TBATA: variants seen among roughly 807,000 people sequenced by gnomAD.
TBATA encodes the protein thymus, brain and testes associated, also known as protein TBATA.
Under a neutral mutation model 38.7 loss-of-function variants are expected in TBATA, and 47 were observed. That is an observed-to-expected ratio of 1.21 (90% CI 0.96 to 1.55). The LOEUF (loss-of-function observed/expected upper bound fraction) is 1.55, where lower values mean the gene tolerates loss of function less well. TBATA is among the 40% of genes most tolerant of loss of function. TBATA has a pLI of 0.00. For missense variants in TBATA, 436 were observed against 435.6 expected, an observed-to-expected ratio of 1.00 and a Z score of -0.01; for synonymous variants, 183 against 170.5, an observed-to-expected ratio of 1.07 and a Z score of -0.57.
In TBATA at chr10:70,783,215, G is replaced by T. The variant is rs1026175845; in HGVS notation, c.41+124C>A. On this transcript the variant is annotated intron_variant, in intron 3 of 10. Transcript: ENST00000456372. ...GGGGTCTGGCTGACCGGCAGCAGAA[G>T]TCCAGTAAGAACCACCTCTCTTGGA... 3.5e-6 allele frequency: 4 copies of T among 1,128,728 alleles called. No homozygotes were observed. In the African/African-American group the frequency reaches 4.6e-5, roughly 13 times the overall value. The allele number at this position is 1,128,728 out of a possible 1,614,324, so 69.9% of individuals were successfully genotyped here.
At chr10:70,777,505 C>T (rs7092630) in intron 6 of TBATA, among the ~76,000 whole-genome samples, 167 bp from the exon 7 acceptor site, 2 of 85,120 alleles carry the variant, frequency 2.3e-5, no homozygotes, top group African/African-American at 9.6e-5. Context: ...AGCTCTGCCA[C>T]CCCCCCAACC....
chr10:70,780,549 C>G (rs983286138), intron 4 of TBATA, among the ~76,000 whole-genome samples: 8 of 151,932 alleles, frequency 5.3e-5, no homozygotes, highest in Non-Finnish European at 7.4e-5. Context: ...GGATCCTACC[C>G]AGGCCCACCA....
At chr10:70,776,024 G>A (rs948863784) in intron 7 of TBATA, among the ~76,000 whole-genome samples, 8 of 152,244 alleles carry the variant, frequency 5.3e-5, no homozygotes, top group African/African-American at 1.9e-4. Flanking sequence ...AGGCCAGACT[G>A]CTGCTGGTGG....
At chr10:70,779,146 A>G (rs1054183364) in intron 5 of TBATA, among the ~76,000 whole-genome samples, 11 of 152,172 alleles carry the variant, frequency 7.2e-5, no homozygotes, top group African/African-American at 2.7e-4. Context: ...TGTCCCCACC[A>G]AACTGGCTTC....
chr10:70,778,831 T>G (rs1589401940), intron 5 of TBATA, 195 bp from the exon 6 acceptor site: 22 of 639,454 alleles, frequency 3.4e-5, no homozygotes, highest in East Asian at 5.8e-5. Context: ...TGGCAGTGGG[T>G]GGGGTGCGGG....
chr10:70,775,062 A>G, intron 8 of TBATA, 127 bp downstream of exon 8: 3 of 778,640 alleles, frequency 3.9e-6, no homozygotes, highest in Non-Finnish European at 6.2e-6. Flanking sequence ...AAAGTGGAGG[A>G]GAGGCCTCCA....
chr10:70,775,334 G>A, intron 7 of TBATA, 64 bp from the exon 8 acceptor site: 1 of 1,441,366 alleles, frequency 6.9e-7, no homozygotes, highest in Non-Finnish European at 9.8e-7. Context: ...GCAAATGTAG[G>A]TTTGGAGGGC....
At chr10:70,782,752 G>A in intron 3 of TBATA, 1 of 603,836 alleles carries the variant, frequency 1.7e-6, no homozygotes, top group Non-Finnish European at 2.1e-6. Context: ...GCCCTTGGAG[G>A]AAGGTCAAGA....
chr10:70,774,774 G>A (rs115076572), intron 8 of TBATA, among the ~76,000 whole-genome samples: 5,015 of 152,204 alleles, frequency 0.033, 261 homozygotes, highest in African/African-American at 0.11. Flanking sequence ...GTCCCAGTGC[G>A]TCCGCGTGTG....
chr10:70,781,616 C>A (rs1368850209), intron 4 of TBATA, among the ~76,000 whole-genome samples, 185 bp downstream of exon 4: 2 of 152,202 alleles, frequency 1.3e-5, no homozygotes, highest in African/African-American at 4.8e-5. Context: ...TGTCACCCAC[C>A]CTTGGAGGCT....
intron 8 of TBATA, among the ~76,000 whole-genome samples, 166 bp from the exon 9 acceptor site, chr10:70,774,523 T>C (rs192679281): frequency 1.3e-5 from 2 of 152,094 alleles, no homozygotes; most frequent in Non-Finnish European, 2.9e-5. Context: ...GGCCCATGTG[T>C]GCAGAGCCCC....
chr10:70,774,360 GA>G lies in TBATA; in HGVS notation c.776-4del. 1 of 1,586,466 alleles carries G rather than the reference GA, an allele frequency of 6.3e-7. No homozygotes were observed. The highest frequency in any genetic ancestry group is 8.6e-7 in the Non-Finnish European group (1 of 1,167,130). ...GAGTCCCAGAGCGAGGTCTTTTTCTGAAAGCACAGCCCGGGGGCAGTGTCCT... is the reference window on the plus strand; with the variant it reads ...GAGTCCCAGAGCGAGGTCTTTTTCTGAAGCACAGCCCGGGGGCAGTGTCCT... On this transcript the variant is annotated splice_region_variant and splice_polypyrimidine_tract_variant and intron_variant, in intron 8 of 10. Transcript: ENST00000456372.
At chr10:70,775,614 G>T (rs2132853123) in intron 7 of TBATA, among the ~76,000 whole-genome samples, 1 of 118,174 alleles carries the variant, frequency 8.5e-6, no homozygotes, top group South Asian at 2.5e-4. Flanking sequence ...AAGCCTGCTT[G>T]GCTGGTTATT....
rs550670613 is a variant in TBATA at position 70,783,204 on chromosome 10, C to T, written c.41+135G>A. 6.0e-5 allele frequency: 61 copies of T among 1,008,266 alleles called. No individual in the cohort carries two copies. In the Admixed American group the frequency reaches 6.1e-4, roughly 10 times the overall value. 62.5% of individuals were successfully genotyped at this position (1,008,266 alleles called of 1,614,324 possible). On this transcript the variant is annotated intron_variant, in intron 3 of 10. Coordinates refer to ENST00000456372, the MANE Select transcript of TBATA (RefSeq NM_001318241.2). ...GGACCCATTGGGGGGTCTGGCTGACCGGCAGCAGAAGTCCAGTAAGAACCA... is the reference window on the plus strand; with the variant it reads ...GGACCCATTGGGGGGTCTGGCTGACTGGCAGCAGAAGTCCAGTAAGAACCA...
At chr10:70,779,901 T>A in intron 4 of TBATA, 159 bp from the exon 5 acceptor site, 1 of 739,114 alleles carries the variant, frequency 1.4e-6, no homozygotes, top group Non-Finnish European at 2.0e-6. Flanking sequence ...TGTAACCACC[T>A]AGACCAGCGA....
At position 70,774,386 on chromosome 10, in the gene TBATA, T is replaced by G. The variant is rs1843119631; in HGVS notation, c.776-29A>C. The G allele has an allele frequency of 1.9e-6, 3 of 1,556,870 alleles. No homozygotes were observed. The East Asian group carries it at 7.0e-5, about 37-fold the overall frequency. On this transcript the variant is annotated intron_variant, in intron 8 of 10. Transcript: ENST00000456372. ...AAAGCACAGCCCGGGGGCAGTGTCC[T>G]CAGCCCCCAGCCCCCTTCCTGTCCC...
chr10:70,771,577 G>T, intron 10 of TBATA, 116 bp from the exon 11 acceptor site: 1 of 915,452 alleles, frequency 1.1e-6, no homozygotes, highest in Non-Finnish European at 1.7e-6. Flanking sequence ...CCCAGCTCCT[G>T]CTCTCAGCTC....
chr10:70,774,079 C>A, intron 9 of TBATA, 134 bp downstream of exon 9: 1 of 1,224,100 alleles, frequency 8.2e-7, no homozygotes, highest in Non-Finnish European at 1.1e-6. Flanking sequence ...GGGGGAGGGG[C>A]TGGGCCTCTG....
intron 7 of TBATA, among the ~76,000 whole-genome samples, chr10:70,775,522 G>A (rs138018011): frequency 6.6e-6 from 1 of 152,308 alleles, no homozygotes; most frequent in African/African-American, 2.4e-5. Flanking sequence ...TGGAGAATCC[G>A]AGGCCCTGAG....
Sources: allele counts gnomAD v4.1 joint callset (sites outside exome capture counted in the v4.1 genomes callset), GRCh38; gene constraint gnomAD v4.1.1; transcripts MANE v1.5; gene names NCBI Gene and HGNC (gene_info 2026-07-23, HGNC 2026-07-21).